Variants in SLC17A5 observed in about 807,000 individuals in gnomAD.
SLC17A5 encodes sialin.
Under a neutral mutation model 59.4 loss-of-function variants are expected in SLC17A5, and 47 were observed. That is an observed-to-expected ratio of 0.79 (90% CI 0.63 to 1.01). The LOEUF (loss-of-function observed/expected upper bound fraction) is 1.01. Ranked by LOEUF, SLC17A5 falls within the 50% of genes least tolerant of loss-of-function variation. The pLI is 0.00. For missense variants in SLC17A5, 522 were observed against 595.5 expected (o/e 0.88, Z 1.28); for synonymous variants, 202 against 210.7 (o/e 0.96, Z 0.36).
chr6:73,636,463 G>T (rs542298673), intron 5 of SLC17A5, among the ~76,000 whole-genome samples, 158 bp downstream of exon 5: 1 of 152,228 alleles, frequency 6.6e-6, no homozygotes, highest in East Asian at 1.9e-4. Flanking sequence ...ACTCAAATAG[G>T]TCAAGTAAAT....
intron 8 of SLC17A5, among the ~76,000 whole-genome samples, chr6:73,612,818 GAGGT>G (rs1482319114): frequency 8.5e-5 from 13 of 152,202 alleles, no homozygotes; most frequent in Admixed American, 1.3e-4. Flanking sequence ...TTGAAAGGCT[GAGGT>G]GGGAGGATCG....
intron 10 of SLC17A5, among the ~76,000 whole-genome samples, chr6:73,595,553 G>T (rs12528608): frequency 0.17 from 25,733 of 152,072 alleles, 2,741 homozygotes; most frequent in East Asian, 0.29. Flanking sequence ...TGGGAGAGTG[G>T]TTCCACTTGG....
intron 8 of SLC17A5, among the ~76,000 whole-genome samples, chr6:73,614,408 A>G (rs1424784399): frequency 1.3e-5 from 2 of 152,342 alleles, no homozygotes; most frequent in African/African-American, 4.8e-5. Context: ...CCCCATTTCT[A>G]TTAAAAAATT....
intron 7 of SLC17A5, among the ~76,000 whole-genome samples, chr6:73,616,661 T>A (rs950603268): frequency 6.7e-6 from 1 of 149,692 alleles, no homozygotes; most frequent in Non-Finnish European, 1.5e-5. Flanking sequence ...TAGGCTGGAG[T>A]GCAGTGGCGT....
At chr6:73,631,010 T>C (rs683265) in intron 6 of SLC17A5, among the ~76,000 whole-genome samples, 23,213 of 149,266 alleles carry the variant, frequency 0.16, 2,913 homozygotes, top group African/African-American at 0.32. Flanking sequence ...CGTGCCATTG[T>C]ACTTCAGCCT....
intron 10 of SLC17A5, among the ~76,000 whole-genome samples, chr6:73,597,771 G>T (rs79639098): frequency 2.0e-5 from 3 of 152,096 alleles, no homozygotes; most frequent in Admixed American, 6.6e-5. Flanking sequence ...GGGCGATGGA[G>T]ACCCTGTCTC....
Position 73,621,242 on chromosome 6 carries a change from T to C in SLC17A5, c.978+562A>G, listed in dbSNP as rs1009319092. 1.3e-3 allele frequency among the ~76,000 whole-genome samples: 195 copies of C among 152,152 alleles called. 1 individual carries two copies. The highest frequency in any genetic ancestry group is 4.6e-3 in the African/African-American group (192 of 41,500). On this transcript the variant is annotated intron_variant, in intron 7 of 10. Coordinates refer to ENST00000355773, the MANE Select transcript of SLC17A5 (RefSeq NM_012434.5). The stretch of plus-strand genomic sequence containing the variant: ...CTGGTCTCAAACTCCTGACCTCAGG[T>C]GATCCGCCTGCCTTGGCCTCCCAAA...
At position 73,596,698 on chromosome 6, in the gene SLC17A5, A is replaced by T. The variant is rs374335835; in HGVS notation, c.1351-1484T>A. On this transcript the variant is annotated intron_variant, in intron 10 of 10. Transcript: ENST00000355773. ...GGTGAAACCCCGTCTTTACTAAAAA[A>T]ATAAAAAATTAGCCGGGCGTGGTGG... Among the ~76,000 whole-genome samples, 264 of 151,894 alleles carry T rather than the reference A, an allele frequency of 1.7e-3. 1 individual carries two copies. Among genetic ancestry groups the T allele is most frequent in the African/African-American group, 6.0e-3 (248 of 41,416 alleles).
At chr6:73,652,975 T>C (rs1283851848) in intron 1 of SLC17A5, 2 of 915,518 alleles carry the variant, frequency 2.2e-6, no homozygotes, top group Non-Finnish European at 2.6e-6. Flanking sequence ...TAGCAAAATA[T>C]TTTAATTTTC....
intron 1 of SLC17A5, chr6:73,653,308 G>A: frequency 1.0e-6 from 1 of 985,456 alleles, no homozygotes; most frequent in Non-Finnish European, 1.2e-6. Context: ...AAACCTAGCG[G>A]TGACAGGGAA....
intron 8 of SLC17A5, among the ~76,000 whole-genome samples, chr6:73,613,024 G>A (rs1005276873): frequency 2.0e-5 from 3 of 147,172 alleles, no homozygotes; most frequent in Non-Finnish European, 4.5e-5. Context: ...CCTGGCCAAC[G>A]GAGCAAGACC....
chr6:73,620,811 T>C (rs1173475025), intron 7 of SLC17A5, among the ~76,000 whole-genome samples: 1 of 151,832 alleles, frequency 6.6e-6, no homozygotes, highest in Non-Finnish European at 1.5e-5. Context: ...AACCTTCGCC[T>C]CCTGGGTTCA....
At chr6:73,653,749 G>A in intron 1 of SLC17A5, 44 bp downstream of exon 1, 3 of 1,518,588 alleles carry the variant, frequency 2.0e-6, no homozygotes, top group East Asian at 4.9e-5. Context: ...GCCGCCCCCG[G>A]TACCGCTGCC....
Position 73,638,324 on chromosome 6 carries a change from T to C in SLC17A5, c.613+88A>G, listed in dbSNP as rs927617275. 42 of 903,276 alleles carry C rather than the reference T, an allele frequency of 4.6e-5. No homozygotes were observed. The Admixed American group carries it at 5.1e-4, about 11-fold the overall frequency. 56.0% of individuals were successfully genotyped at this position (903,276 alleles called of 1,614,324 possible). On this transcript the variant is annotated intron_variant, in intron 4 of 10. Coordinates refer to ENST00000355773, the MANE Select transcript of SLC17A5 (RefSeq NM_012434.5). Reference sequence around the variant, plus strand: ...CCCCAAAGGGGCATCCAATCCAACATTGCATCGTTCTGGTATGCAGGCCCT... The same window carrying C: ...CCCCAAAGGGGCATCCAATCCAACACTGCATCGTTCTGGTATGCAGGCCCT...
intron 5 of SLC17A5, among the ~76,000 whole-genome samples, 165 bp downstream of exon 5, chr6:73,636,456 C>A (rs1432315294): frequency 6.6e-6 from 1 of 152,074 alleles, no homozygotes; most frequent in Non-Finnish European, 1.5e-5. Context: ...GCTCGTAACT[C>A]AAATAGGTCA....
At position 73,605,281 on chromosome 6, in the gene SLC17A5, T is replaced by C. The variant is rs545681001; in HGVS notation, c.1260-4840A>G. Among the ~76,000 whole-genome samples, 3 of 152,350 alleles carry C rather than the reference T, an allele frequency of 2.0e-5. No individual in the cohort carries two copies. In the East Asian group the frequency reaches 5.8e-4, roughly 29 times the overall value. On this transcript the variant is annotated intron_variant, in intron 9 of 10. Transcript: ENST00000355773. ...AAAAAAAACAAAACACAGTAATCAC[T>C]GAACCCAATCTGTAGGAAAGATAAA... is the stretch of plus-strand genomic sequence containing the variant.
rs768350426 is a variant in SLC17A5, at chr6:73,628,194, C to T, written c.820-6232G>A. Among the ~76,000 whole-genome samples the T allele has an allele frequency of 3.9e-5, 6 of 152,158 alleles. No individual in the cohort carries two copies. The East Asian group carries it at 5.8e-4, about 15-fold the overall frequency. ...TAGGCCTCCCAAAGTGATCGGATTA[C>T]AGGCATAAGTCACTGCACCTGGTCC... On this transcript the variant is annotated intron_variant, in intron 6 of 10. Coordinates refer to ENST00000355773, the MANE Select transcript of SLC17A5 (RefSeq NM_012434.5).
intron 8 of SLC17A5, among the ~76,000 whole-genome samples, chr6:73,613,071 C>G (rs2150089149): frequency 6.6e-6 from 1 of 152,058 alleles, no homozygotes; most frequent in East Asian, 1.9e-4. Context: ...TTTCTGAAAG[C>G]AGAGTCTGAA....
chr6:73,636,771 G>C, intron 4 of SLC17A5, 64 bp from the exon 5 acceptor site: 1 of 1,172,476 alleles, frequency 8.5e-7, no homozygotes, highest in Non-Finnish European at 1.3e-6. Context: ...GGACAGACAA[G>C]TCTACTGCTT....
Sources: gnomAD v4.1 joint callset for allele counts (sites outside exome capture counted in the v4.1 genomes callset) on GRCh38, gnomAD v4.1.1 for gene constraint, MANE v1.5 for transcripts, NCBI Gene and HGNC (gene_info 2026-07-23, HGNC 2026-07-21) for gene names.